The following DPT variants were observed in gnomAD, a reference collection of about 807,000 sequenced individuals.
The protein encoded by DPT is dermatopontin, also known as tyrosine-rich acidic matrix protein.
Under a neutral mutation model 31.2 loss-of-function variants are expected in DPT, and 21 were observed. That is an observed-to-expected ratio of 0.67 (90% confidence interval 0.48 to 0.97). DPT has a LOEUF of 0.97. Ranked by LOEUF, DPT falls within the 50% of genes least tolerant of loss-of-function variation. The pLI is 0.00. For missense variants in DPT, 262 were observed against 258.8 expected (o/e 1.01, Z -0.08); for synonymous variants, 91 against 86.9 (o/e 1.05, Z -0.26).
rs376273154 is a variant in DPT at position 168,718,563 on chromosome 1, G to C, written c.306-4217C>G. Among the ~76,000 whole-genome samples, 3 of 152,316 alleles carry C rather than the reference G, an allele frequency of 2.0e-5. No individual in the cohort carries two copies. In the East Asian group the frequency reaches 5.8e-4, roughly 29 times the overall value. ...GGTATGTGAAAGCATTCCTTCCAGA[G>C]CCGGATCTTTGTGGGGGTACCTTTT... On this transcript the variant is annotated intron_variant, in intron 1 of 3. Coordinates refer to ENST00000367817, the MANE Select transcript of DPT (RefSeq NM_001937.5).
At chr1:168,709,666 T>C (rs1037922142) in intron 2 of DPT, among the ~76,000 whole-genome samples, 15 of 152,206 alleles carry the variant, frequency 9.9e-5, no homozygotes, top group African/African-American at 2.9e-4. Context: ...TTCACTTAGC[T>C]AGTTCATACG....
intron 1 of DPT, among the ~76,000 whole-genome samples, chr1:168,716,024 T>C (rs1649978997): frequency 6.6e-6 from 1 of 152,220 alleles, no homozygotes; most frequent in African/African-American, 2.4e-5. Flanking sequence ...AGAGAGGCCT[T>C]GTTGACACAC....
At chr1:168,714,385 C>T (rs1038544593) in intron 1 of DPT, 39 bp from the exon 2 acceptor site, 3 of 1,613,424 alleles carry the variant, frequency 1.9e-6, no homozygotes, top group Admixed American at 3.3e-5. Flanking sequence ...AGAACAGTGA[C>T]ACATACACAG....
intron 2 of DPT, among the ~76,000 whole-genome samples, chr1:168,707,451 T>G (rs1420824944): frequency 6.6e-6 from 1 of 152,194 alleles, no homozygotes; most frequent in Non-Finnish European, 1.5e-5. Context: ...AGAGGTTTAC[T>G]TTGTTCTAAG....
At chr1:168,698,892 C>G (rs1012976869) in intron 3 of DPT, among the ~76,000 whole-genome samples, 1 of 152,122 alleles carries the variant, frequency 6.6e-6, no homozygotes, top group Non-Finnish European at 1.5e-5. Context: ...AGAAGAAACC[C>G]AAGTTGTGGA....
At chr1:168,718,222 T>C (rs1008295120) in intron 1 of DPT, among the ~76,000 whole-genome samples, 9 of 152,228 alleles carry the variant, frequency 5.9e-5, no homozygotes, top group Non-Finnish European at 1.5e-5. Flanking sequence ...TGGGGGTAAG[T>C]TCCCCTAAGT....
intron 1 of DPT, among the ~76,000 whole-genome samples, chr1:168,721,555 A>G (rs1050618865): frequency 6.6e-6 from 1 of 152,192 alleles, no homozygotes; most frequent in African/African-American, 2.4e-5. Flanking sequence ...AACTTCTCCA[A>G]TTAGACACTG....
At chr1:168,725,977 C>T (rs193079581) in intron 1 of DPT, among the ~76,000 whole-genome samples, 2 of 152,292 alleles carry the variant, frequency 1.3e-5, no homozygotes, top group Non-Finnish European at 2.9e-5. Flanking sequence ...AATTTCTTTC[C>T]TTACAGATTT....
chr1:168,718,899 A>G (rs1206274532), intron 1 of DPT, among the ~76,000 whole-genome samples: 1 of 152,212 alleles, frequency 6.6e-6, no homozygotes, highest in East Asian at 1.9e-4. Flanking sequence ...GTCTCTAATC[A>G]GTAAAACACT....
chr1:168,726,239 C>T (rs536014), intron 1 of DPT, among the ~76,000 whole-genome samples: 20,266 of 152,200 alleles, frequency 0.13, 2,019 homozygotes, highest in East Asian at 0.55. Context: ...AGAGGTATCT[C>T]GCCTATCAGC....
chr1:168,699,638 C>G (rs113346455), intron 3 of DPT, among the ~76,000 whole-genome samples: 123 of 148,116 alleles, frequency 8.3e-4, no homozygotes, highest in African/African-American at 3.0e-3. Context: ...TAAATAAGTT[C>G]ACTTTATTTA....
intron 1 of DPT, among the ~76,000 whole-genome samples, chr1:168,724,353 A>G (rs1650189524): frequency 1.3e-5 from 2 of 152,228 alleles, no homozygotes; most frequent in South Asian, 4.1e-4. Flanking sequence ...CCTGTGGGAA[A>G]ACCTGCAGGC....
At chr1:168,716,462 A>G (rs369931202) in intron 1 of DPT, among the ~76,000 whole-genome samples, 2 of 151,690 alleles carry the variant, frequency 1.3e-5, no homozygotes, top group African/African-American at 4.8e-5. Context: ...ATTGAGACCT[A>G]TGGCTCTTTG....
At chr1:168,717,932 G>C (rs888242929) in intron 1 of DPT, among the ~76,000 whole-genome samples, 1 of 152,198 alleles carries the variant, frequency 6.6e-6, no homozygotes, top group Non-Finnish European at 1.5e-5. Context: ...TGATCTACCA[G>C]GGTGTTCTAT....
intron 1 of DPT, among the ~76,000 whole-genome samples, chr1:168,724,230 A>C (rs969030761): frequency 2.6e-5 from 4 of 152,228 alleles, no homozygotes; most frequent in African/African-American, 9.6e-5. Flanking sequence ...TTGAAAGACC[A>C]TCCTGCATGT....
intron 1 of DPT, among the ~76,000 whole-genome samples, chr1:168,719,982 T>A (rs1650065381): frequency 6.6e-6 from 1 of 152,140 alleles, no homozygotes. Context: ...TGAAAATGAT[T>A]TATCTCAGGG....
At chr1:168,727,176 C>T (rs1187564693) in intron 1 of DPT, among the ~76,000 whole-genome samples, 1 of 152,226 alleles carries the variant, frequency 6.6e-6, no homozygotes, top group Non-Finnish European at 1.5e-5. Context: ...TGGGTGGAGG[C>T]AGCAGCCTCT....
At chr1:168,709,509 C>G (rs1046094772) in intron 2 of DPT, among the ~76,000 whole-genome samples, 4 of 152,184 alleles carry the variant, frequency 2.6e-5, no homozygotes, top group Admixed American at 6.5e-5. Context: ...AGAAACCGCA[C>G]AAGCTGAAAC....
chr1:168,696,258 G>A lies in DPT; in HGVS notation c.*291C>T. ...CTGCAGCTGGTGCTCCAGAAGCCCGGCTGTAAGCATGCGCACTGTATATGT... is the reference window on the plus strand; with the variant it reads ...CTGCAGCTGGTGCTCCAGAAGCCCGACTGTAAGCATGCGCACTGTATATGT... On this transcript the variant is annotated 3_prime_UTR_variant, in exon 4 of 4. Transcript: ENST00000367817. 1 of 432,028 alleles carries A rather than the reference G, an allele frequency of 2.3e-6. No homozygotes were observed. The highest frequency in any genetic ancestry group is 7.9e-5 in the South Asian group (1 of 12,584). The allele number at this position is 432,028 out of a possible 1,614,324, so 26.8% of individuals were successfully genotyped here. A position where few individuals can be genotyped will look rare whatever the true frequency, so the allele number is the denominator to read the frequency against.
Sources: gnomAD v4.1 joint callset for allele counts (sites outside exome capture counted in the v4.1 genomes callset) on GRCh38, gnomAD v4.1.1 for gene constraint, MANE v1.5 for transcripts, NCBI Gene and HGNC (gene_info 2026-07-23, HGNC 2026-07-21) for gene names.